DIS3L2: variants seen among roughly 807,000 people sequenced by gnomAD.
DIS3L2 encodes the protein DIS3-like exonuclease 2.
In DIS3L2, 34 loss-of-function variants were observed where a neutral mutation model predicts 97.5. The ratio of observed to expected loss-of-function variants is 0.35; its 90% CI spans 0.27 to 0.46. The LOEUF is 0.46. Ranked by LOEUF, DIS3L2 falls within the 20% of genes least tolerant of loss-of-function variation. DIS3L2 has a pLI of 1.00. For missense variants in DIS3L2, 1,038 were observed against 1,146.0 expected, an observed-to-expected ratio of 0.91 and a Z score of 1.36; for synonymous variants, 435 against 445.2, an observed-to-expected ratio of 0.98 and a Z score of 0.29.
In DIS3L2 at chr2:232,249,353, A is replaced by G. The variant is rs372328138; in HGVS notation, c.1425+7A>G. On this transcript the variant is annotated splice_region_variant and intron_variant, in intron 12 of 20. Coordinates refer to ENST00000325385, the MANE Select transcript of DIS3L2 (RefSeq NM_152383.5). ...ACTGACTCCAGAGGGCAAGGTAACA[A>G]CTTACACGTTTTCTTTCTCCACTTA... 2 of 1,613,626 alleles carry G rather than the reference A, an allele frequency of 1.2e-6. No individual in the cohort carries two copies. Among genetic ancestry groups the G allele is most frequent in the East Asian group, 2.2e-5 (1 of 44,880 alleles).
At chr2:232,153,842 A>G (rs999383984) in intron 8 of DIS3L2, among the ~76,000 whole-genome samples, 5 of 152,122 alleles carry the variant, frequency 3.3e-5, no homozygotes, top group Non-Finnish European at 7.3e-5. Flanking sequence ...AGTGACACCA[A>G]TGAGACGTAG....
chr2:232,316,143 A>T (rs895000341), intron 14 of DIS3L2, among the ~76,000 whole-genome samples: 6 of 152,114 alleles, frequency 3.9e-5, no homozygotes, highest in Non-Finnish European at 8.8e-5. Context: ...CTGGCATGCC[A>T]CTGCGGCTTC....
At chr2:232,173,567 G>A (rs1574925559) in intron 9 of DIS3L2, among the ~76,000 whole-genome samples, 1 of 152,162 alleles carries the variant, frequency 6.6e-6, no homozygotes, top group Admixed American at 6.5e-5. Flanking sequence ...TATACTGTTA[G>A]TTGTTATATT....
chr2:232,083,658 C>A (rs1054504178), intron 5 of DIS3L2, among the ~76,000 whole-genome samples: 1 of 152,038 alleles, frequency 6.6e-6, no homozygotes, highest in Non-Finnish European at 1.5e-5. Context: ...CCACACCCAG[C>A]TAATTTTTGT....
intron 9 of DIS3L2, among the ~76,000 whole-genome samples, chr2:232,174,593 A>G (rs1247020729): frequency 6.6e-6 from 1 of 151,766 alleles, no homozygotes; most frequent in African/African-American, 2.4e-5. Context: ...CTCAAAAAAA[A>G]AAAAAAAAAA....
intron 1 of DIS3L2, among the ~76,000 whole-genome samples, chr2:232,001,633 A>G (rs1693911417): frequency 8.3e-6 from 1 of 120,558 alleles, no homozygotes; most frequent in South Asian, 2.6e-4. Flanking sequence ...CTTTGCCCTG[A>G]TCAATGTCAT....
rs188555095 is a variant in DIS3L2 at position 232,062,452 on chromosome 2, A to G, written c.367-25035A>G. ...ATTTTGCTTCTCAGAGGGGTAATCA[A>G]TTACTATAATTATTTATTGAAGAGT... is the stretch of plus-strand genomic sequence containing the variant. On this transcript the variant is annotated intron_variant, in intron 5 of 20. Coordinates refer to ENST00000325385, the MANE Select transcript of DIS3L2 (RefSeq NM_152383.5). Among the ~76,000 whole-genome samples, 5 of 152,260 alleles carry G rather than the reference A, an allele frequency of 3.3e-5. No individual in the cohort carries two copies. In the East Asian group the frequency reaches 7.7e-4, roughly 24 times the overall value.
At position 232,280,315 on chromosome 2, in the gene DIS3L2, C is replaced by G. The variant is rs138174588; in HGVS notation, c.1659+16875C>G. 2.1e-3 allele frequency among the ~76,000 whole-genome samples: 325 copies of G among 152,240 alleles called. 1 individual carries two copies. Among genetic ancestry groups the G allele is most frequent in the Non-Finnish European group, 3.2e-3 (217 of 68,012 alleles). On this transcript the variant is annotated intron_variant, in intron 13 of 20. Transcript: ENST00000325385. ...CGAGGGGTGGCTTTTAAACAGATAC[C>G]AGGCTTCTCTGGCTTAAGATTTGGC... is the stretch of plus-strand genomic sequence containing the variant.
intron 16 of DIS3L2, among the ~76,000 whole-genome samples, chr2:232,330,977 C>T (rs536592441): frequency 6.6e-6 from 1 of 152,350 alleles, no homozygotes; most frequent in South Asian, 2.1e-4. Flanking sequence ...CACCCTGAGC[C>T]TCTTGAGTTT....
chr2:232,002,410 A>T (rs1034169741), intron 1 of DIS3L2, among the ~76,000 whole-genome samples: 1 of 152,158 alleles, frequency 6.6e-6, no homozygotes, highest in Admixed American at 6.5e-5. Context: ...GAAAAATGTC[A>T]TGGAATTTTG....
At chr2:232,068,494 A>G (rs1273132413) in intron 5 of DIS3L2, among the ~76,000 whole-genome samples, 2 of 151,046 alleles carry the variant, frequency 1.3e-5, no homozygotes, top group Non-Finnish European at 2.9e-5. Flanking sequence ...AGGCGGGAGG[A>G]TCACTTGTAC....
chr2:232,207,755 TA>T, intron 9 of DIS3L2, among the ~76,000 whole-genome samples: 1 of 152,284 alleles, frequency 6.6e-6, no homozygotes, highest in Non-Finnish European at 1.5e-5. Context: ...TCCATAATCT[TA>T]AAGCCATTAA....
chr2:232,192,195 A>C (rs1379815242), intron 9 of DIS3L2, among the ~76,000 whole-genome samples: 1 of 152,220 alleles, frequency 6.6e-6, no homozygotes, highest in East Asian at 1.9e-4. Context: ...TTGAAGGCTT[A>C]TGTTATACCT....
chr2:232,249,958 G>T (rs1693373695), intron 12 of DIS3L2, among the ~76,000 whole-genome samples: 3 of 152,194 alleles, frequency 2.0e-5, no homozygotes, highest in Admixed American at 2.0e-4. Context: ...AGAGAAGGAT[G>T]TCAGCAGGGG....
chr2:232,335,362 C>T (rs1695906110), intron 19 of DIS3L2: 1 of 214,208 alleles, frequency 4.7e-6, no homozygotes, highest in African/African-American at 2.3e-5. Context: ...GACAGAGTCC[C>T]CCTGCGGACC....
intron 9 of DIS3L2, among the ~76,000 whole-genome samples, chr2:232,174,323 T>G (rs1691083085): frequency 6.6e-6 from 1 of 152,052 alleles, no homozygotes; most frequent in South Asian, 2.1e-4. Flanking sequence ...TGGTGGCTCA[T>G]GCCTGTAATC....
chr2:232,063,127 A>G (rs1249514366), intron 5 of DIS3L2, among the ~76,000 whole-genome samples: 2 of 151,736 alleles, frequency 1.3e-5, no homozygotes, highest in Non-Finnish European at 2.9e-5. Context: ...CTGCTTCCTC[A>G]CTCAGGGCCT....
At chr2:232,263,550 A>G in intron 13 of DIS3L2, 110 bp downstream of exon 13, 2 of 1,048,154 alleles carry the variant, frequency 1.9e-6, no homozygotes, top group South Asian at 1.5e-5. Context: ...TCTTTGCTCC[A>G]GGCACCACAC....
intron 4 of DIS3L2, among the ~76,000 whole-genome samples, chr2:232,024,858 A>G (rs1299933184): frequency 3.3e-5 from 5 of 151,870 alleles, no homozygotes; most frequent in Admixed American, 2.0e-4. Context: ...TCTTACATTT[A>G]TGACTCATTT....
Sources: allele counts gnomAD v4.1 joint callset (sites outside exome capture counted in the v4.1 genomes callset), GRCh38; gene constraint gnomAD v4.1.1; transcripts MANE v1.5; gene names NCBI Gene and HGNC (gene_info 2026-07-23, HGNC 2026-07-21).